BTD: variants seen among roughly 807,000 people sequenced by gnomAD.
BTD encodes biocytinase.
Under a neutral mutation model 17.7 loss-of-function variants are expected in BTD, and 13 were observed. The ratio of observed to expected loss-of-function variants is 0.74; its 90% CI spans 0.48 to 1.17. The LOEUF is 1.17. Among genes scored for constraint, BTD ranks in the 50% most tolerant of loss-of-function variants. The pLI is 0.00. For synonymous variants in BTD, 240 were observed against 245.2 expected (o/e 0.98, Z 0.20); for missense variants, 674 against 650.4 (o/e 1.04, Z -0.39).
At chr3:15,695,186 A>T in intron 3 of BTD, 1 of 1,595,028 alleles carries the variant, frequency 6.3e-7, no homozygotes, top group Non-Finnish European at 8.6e-7. Flanking sequence ...ACTAATACTT[A>T]CAACATCTAG....
intron 3 of BTD, among the ~76,000 whole-genome samples, chr3:15,703,566 G>A (rs776902359): frequency 5.9e-5 from 9 of 152,232 alleles, no homozygotes; most frequent in Non-Finnish European, 1.3e-4. Flanking sequence ...GCCTTCTCCA[G>A]ACACTGAATG....
intron 4 of BTD, chr3:15,721,247 A>G (rs910194093): frequency 3.7e-6 from 3 of 801,458 alleles, no homozygotes; most frequent in Non-Finnish European, 6.1e-6. Context: ...GAGACAAGAT[A>G]AGTACAGAGA....
chr3:15,709,707 T>C, intron 3 of BTD: 1 of 1,582,792 alleles, frequency 6.3e-7, no homozygotes, highest in Non-Finnish European at 8.6e-7. Flanking sequence ...TGCACCAGTA[T>C]TCAGCAGAAG....
chr3:15,619,729 AC>A (rs1226505437), intron 1 of BTD, among the ~76,000 whole-genome samples: 2 of 152,146 alleles, frequency 1.3e-5, no homozygotes, highest in Non-Finnish European at 2.9e-5. Context: ...TACTGGGAGA[AC>A]CCACCCCCAA....
intron 3 of BTD, chr3:15,675,957 G>A (rs771990800): frequency 1.2e-6 from 2 of 1,612,934 alleles, no homozygotes; most frequent in South Asian, 1.1e-5. Flanking sequence ...AACCACCATT[G>A]TTAGCCCATT....
intron 1 of BTD, among the ~76,000 whole-genome samples, chr3:15,626,310 A>G (rs2065064487): frequency 6.6e-6 from 1 of 152,154 alleles, no homozygotes. Flanking sequence ...GTCTCCTTCT[A>G]CTTTAAGAGT....
Position 15,644,321 on chromosome 3 carries a change from C to T in BTD, c.405C>T (p.Leu135=). The change falls in exon 4 of 4, where the codon CTC becomes CTT. Residue 135 remains leucine, a synonymous_variant. Coordinates refer to ENST00000643237, the MANE Select transcript of BTD (RefSeq NM_001370658.1). ...EPHRFNDTEV[L]QRLSCMAIRG... is the part of the protein sequence containing the mutation. Reference sequence around the variant, plus strand: ...TACACCTTTTTTTCCTCTAGGTGCTCCAGCGCCTGAGTTGTATGGCCATCA... The same window carrying T: ...TACACCTTTTTTTCCTCTAGGTGCTTCAGCGCCTGAGTTGTATGGCCATCA... The T allele has an allele frequency of 6.2e-7, 1 of 1,613,712 alleles. No homozygotes were observed. Among genetic ancestry groups the T allele is most frequent in the Non-Finnish European group, 8.5e-7 (1 of 1,179,866 alleles).
chr3:15,647,725 T>TG lies in BTD; in HGVS notation c.*2239dup, dbSNP rs532019314. 4 of 152,324 alleles carry TG rather than the reference T, an allele frequency of 2.6e-5. No individual in the cohort carries two copies. The South Asian group carries it at 6.2e-4, about 24-fold the overall frequency. 9.4% of individuals were successfully genotyped at this position (152,324 alleles called of 1,614,324 possible). ...GCAAATGGCAATCTTGACCACAACA[T>TG]GGAGACAGGAAATCAAATGCATTTT... On this transcript the variant is annotated 3_prime_UTR_variant, in exon 4 of 4. Transcript: ENST00000643237.
intron 3 of BTD, among the ~76,000 whole-genome samples, chr3:15,706,763 CT>C (rs2071490840): frequency 6.6e-6 from 1 of 152,170 alleles, no homozygotes; most frequent in Non-Finnish European, 1.5e-5. Context: ...TGTTTCCTGA[CT>C]TTTTAATGAT....
In BTD at chr3:15,650,927, G is replaced by C. The variant is rs1172327755; in HGVS notation, c.*5439G>C. ...TGGGACTACAGGCACGTGCCACCAC[G>C]CCCAGCTAATTTTTTGTATTTTTAT... On this transcript the variant is annotated 3_prime_UTR_variant, in exon 4 of 4. Transcript: ENST00000643237. Among the ~76,000 whole-genome samples the C allele has an allele frequency of 6.6e-6, 1 of 152,056 alleles. No homozygotes were observed. Among genetic ancestry groups the C allele is most frequent in the African/African-American group, 2.4e-5 (1 of 41,404 alleles).
In BTD at chr3:15,648,763, G is replaced by A. The variant is rs1315742814; in HGVS notation, c.*3275G>A. ...CTTTGCAGATGCAATGAAGATATAA[G>A]TTAAAATGAGATCACACTAGAGTAA... is the stretch of plus-strand genomic sequence containing the variant. On this transcript the variant is annotated 3_prime_UTR_variant, in exon 4 of 4. Coordinates refer to ENST00000643237, the MANE Select transcript of BTD (RefSeq NM_001370658.1). Among the ~76,000 whole-genome samples the A allele has an allele frequency of 1.3e-5, 2 of 152,228 alleles. No homozygotes were observed. Among genetic ancestry groups the A allele is most frequent in the African/African-American group, 4.8e-5 (2 of 41,464 alleles).
intron 1 of BTD, among the ~76,000 whole-genome samples, chr3:15,603,152 T>A (rs1425136578): frequency 6.6e-6 from 1 of 152,240 alleles, no homozygotes; most frequent in Non-Finnish European, 1.5e-5. Context: ...ATGGGAGCTA[T>A]AATTCAAGAT....
At position 15,653,008 on chromosome 3, in the gene BTD, C is replaced by G. The variant is rs531069998; in HGVS notation, c.*7520C>G. Among the ~76,000 whole-genome samples, 1 of 152,324 alleles carries G rather than the reference C, an allele frequency of 6.6e-6. No individual in the cohort carries two copies. The highest frequency in any genetic ancestry group is 1.5e-5 in the Non-Finnish European group (1 of 68,044). On this transcript the variant is annotated 3_prime_UTR_variant, in exon 4 of 4. Coordinates refer to ENST00000643237, the MANE Select transcript of BTD (RefSeq NM_001370658.1). ...GGAAGTTCTAGAGGAGGTATTCTGA[C>G]AGTGGCCAGGAAAACCTCCTGCCCG... is the stretch of plus-strand genomic sequence containing the variant.
At chr3:15,693,620 C>T (rs2069122282) in intron 3 of BTD, among the ~76,000 whole-genome samples, 4 of 152,130 alleles carry the variant, frequency 2.6e-5, no homozygotes, top group Non-Finnish European at 5.9e-5. Context: ...GCTGCTGCTG[C>T]TGCTGCTAAT....
At chr3:15,719,445 A>C (rs1053221777) in intron 4 of BTD, among the ~76,000 whole-genome samples, 5 of 152,354 alleles carry the variant, frequency 3.3e-5, no homozygotes, top group Admixed American at 2.0e-4. Flanking sequence ...ATTAATACAG[A>C]AACAACTAAC....
At chr3:15,624,886 C>G (rs1214092193) in intron 1 of BTD, among the ~76,000 whole-genome samples, 2 of 152,152 alleles carry the variant, frequency 1.3e-5, no homozygotes, top group African/African-American at 4.8e-5. Context: ...GCGTGTGCCA[C>G]CAAGCCTGGC....
intron 3 of BTD, chr3:15,694,712 C>T (rs1380886905): frequency 1.3e-6 from 2 of 1,598,658 alleles, no homozygotes; most frequent in African/African-American, 2.7e-5. Flanking sequence ...CAGCAGCCAT[C>T]AAGTCGGCTA....
chr3:15,711,703 T>C (rs2072304635), exon 4 of BTD, among the ~76,000 whole-genome samples: 2 of 152,196 alleles, frequency 1.3e-5, no homozygotes, highest in Non-Finnish European at 1.5e-5. Flanking sequence ...TTTTTTTTTT[T>C]TGAGACAGAG....
rs953211238 is a variant in BTD, at chr3:15,719,897, G to C, written c.1016-1873G>C. Among the ~76,000 whole-genome samples the C allele has an allele frequency of 2.0e-5, 3 of 151,900 alleles. No individual in the cohort carries two copies. The East Asian group carries it at 5.8e-4, about 29-fold the overall frequency. ...TCCTTTATTTATTTTTTGAGACAGGGTCTCACTCTGTCACCCAGGCTGGAG... is the reference window on the plus strand; with the variant it reads ...TCCTTTATTTATTTTTTGAGACAGGCTCTCACTCTGTCACCCAGGCTGGAG... On this transcript the variant is annotated intron_variant, in intron 4 of 4. Coordinates refer to the BTD transcript ENST00000672427.
Sources: gnomAD v4.1 joint callset for allele counts (sites outside exome capture counted in the v4.1 genomes callset) on GRCh38, gnomAD v4.1.1 for gene constraint, MANE v1.5 for transcripts, NCBI Gene and HGNC (gene_info 2026-07-23, HGNC 2026-07-21) for gene names.